The following SEL1L2 variants were observed in gnomAD, a reference collection of about 807,000 sequenced individuals.
SEL1L2 encodes the protein protein sel-1 homolog 2.
Under a neutral mutation model 98.8 loss-of-function variants are expected in SEL1L2, and 89 were observed. The ratio of observed to expected loss-of-function variants is 0.90; its 90% CI spans 0.76 to 1.07. The LOEUF (loss-of-function observed/expected upper bound fraction) is 1.07, where lower values mean the gene tolerates loss of function less well. Among genes scored for constraint, SEL1L2 ranks in the 50% least tolerant of loss-of-function variants. SEL1L2 has a pLI of 0.00. For synonymous variants in SEL1L2, 262 were observed against 278.5 expected (o/e 0.94, Z 0.59); for missense variants, 788 against 812.0 (o/e 0.97, Z 0.36).
chr20:13,892,027 T>C (rs545419628), intron 5 of SEL1L2, among the ~76,000 whole-genome samples: 2 of 152,308 alleles, frequency 1.3e-5, no homozygotes, highest in Non-Finnish European at 1.5e-5. Flanking sequence ...TAAAACTACA[T>C]TTAAAGTATA....
At chr20:13,876,222 G>C (rs1293896846) in intron 11 of SEL1L2, 107 bp from the exon 12 acceptor site, 3 of 783,894 alleles carry the variant, frequency 3.8e-6, no homozygotes, top group Non-Finnish European at 6.7e-6. Context: ...ATTGAATGTA[G>C]TAAATGCCAC....
chr20:13,917,734 G>A (rs954820691), intron 4 of SEL1L2, among the ~76,000 whole-genome samples: 1 of 146,558 alleles, frequency 6.8e-6, no homozygotes, highest in Non-Finnish European at 1.5e-5. Context: ...GAAAACAAGA[G>A]ATGTCTCCTT....
At chr20:13,951,233 C>T (rs1474457380) in intron 2 of SEL1L2, among the ~76,000 whole-genome samples, 6 of 130,782 alleles carry the variant, frequency 4.6e-5, no homozygotes, top group South Asian at 5.2e-4. Context: ...GCCGAGATAG[C>T]GCCACTGCAC....
intron 1 of SEL1L2, among the ~76,000 whole-genome samples, chr20:13,986,387 A>G (rs998360160): frequency 2.6e-5 from 4 of 152,188 alleles, no homozygotes; most frequent in Admixed American, 6.6e-5. Flanking sequence ...GTACCCATTA[A>G]GCAGTCACTC....
At chr20:13,927,782 C>T (rs112166462) in intron 3 of SEL1L2, among the ~76,000 whole-genome samples, 177 of 152,274 alleles carry the variant, frequency 1.2e-3, no homozygotes, top group African/African-American at 4.0e-3. Context: ...GTCTGATAAT[C>T]ATGTGTGACT....
At chr20:13,939,335 G>A (rs529824172) in intron 2 of SEL1L2, among the ~76,000 whole-genome samples, 5 of 152,050 alleles carry the variant, frequency 3.3e-5, no homozygotes, top group South Asian at 4.1e-4. Flanking sequence ...GAGCCACCAC[G>A]CCTGGCCAAA....
chr20:13,865,863 A>G (rs943204020), intron 15 of SEL1L2, among the ~76,000 whole-genome samples: 1 of 139,730 alleles, frequency 7.2e-6, no homozygotes, highest in Non-Finnish European at 1.6e-5. Context: ...GTGTGTTCTT[A>G]AAGGGACTTT....
chr20:13,908,094 T>A (rs1289281313), intron 5 of SEL1L2, among the ~76,000 whole-genome samples: 1 of 130,494 alleles, frequency 7.7e-6, no homozygotes, highest in Non-Finnish European at 1.6e-5. Context: ...GCTGATCAAT[T>A]TCTTGGTTCT....
chr20:13,874,595 C>T (rs2046352973), intron 12 of SEL1L2, among the ~76,000 whole-genome samples: 1 of 152,168 alleles, frequency 6.6e-6, no homozygotes. Context: ...TTCCATGTTA[C>T]TCCTTTTCAG....
intron 5 of SEL1L2, among the ~76,000 whole-genome samples, chr20:13,908,680 T>C (rs1269453888): frequency 1.3e-5 from 2 of 152,246 alleles, no homozygotes; most frequent in African/African-American, 4.8e-5. Context: ...ACCATTTTCA[T>C]GAAGACTATT....
intron 2 of SEL1L2, among the ~76,000 whole-genome samples, chr20:13,947,540 G>T (rs2050073607): frequency 6.6e-6 from 1 of 152,114 alleles, no homozygotes; most frequent in African/African-American, 2.4e-5. Flanking sequence ...CATTCTTCCT[G>T]GATGCAGGAC....
chr20:13,977,570 A>G (rs555829920), intron 1 of SEL1L2, among the ~76,000 whole-genome samples: 1 of 152,260 alleles, frequency 6.6e-6, no homozygotes, highest in Non-Finnish European at 1.5e-5. Flanking sequence ...AAAATGGGAG[A>G]GACTTATGAA....
At chr20:13,919,155 T>A in intron 3 of SEL1L2, 32 bp from the exon 4 acceptor site, 1 of 1,235,076 alleles carries the variant, frequency 8.1e-7, no homozygotes, top group Non-Finnish European at 1.2e-6. Flanking sequence ...ATAAAAACAA[T>A]ATTACTTCTA....
intron 2 of SEL1L2, among the ~76,000 whole-genome samples, chr20:13,933,754 T>C (rs2049264556): frequency 6.6e-6 from 1 of 152,288 alleles, no homozygotes; most frequent in South Asian, 2.1e-4. Context: ...AGAAAGAGCC[T>C]GGAAGACTAT....
chr20:13,981,167 G>A (rs745852039), intron 1 of SEL1L2, among the ~76,000 whole-genome samples: 23 of 152,226 alleles, frequency 1.5e-4, no homozygotes, highest in Non-Finnish European at 2.8e-4. Context: ...ACTTGAACTC[G>A]GGAGGTGGAG....
intron 2 of SEL1L2, among the ~76,000 whole-genome samples, chr20:13,945,485 CAT>C (rs150808080): frequency 0.011 from 1,704 of 148,202 alleles, 25 homozygotes; most frequent in African/African-American, 0.033. Flanking sequence ...TTAATATATA[CAT>C]ATATATATAT....
intron 8 of SEL1L2, among the ~76,000 whole-genome samples, chr20:13,886,882 T>C (rs545802555): frequency 1.1e-4 from 16 of 149,866 alleles, no homozygotes; most frequent in African/African-American, 3.7e-4. Context: ...AGGGATACTC[T>C]GTCTCAAAAA....
chr20:13,870,053 A>C (rs983845391), intron 13 of SEL1L2, 88 bp downstream of exon 13: 14 of 917,556 alleles, frequency 1.5e-5, no homozygotes, highest in Non-Finnish European at 2.1e-5. Context: ...CAGATAATAG[A>C]GATAAATTCC....
At chr20:13,922,122 T>G (rs1220413461) in intron 3 of SEL1L2, among the ~76,000 whole-genome samples, 1 of 152,218 alleles carries the variant, frequency 6.6e-6, no homozygotes, top group Non-Finnish European at 1.5e-5. Flanking sequence ...GAAAATGAAT[T>G]AAGTCCTTGT....
Sources: gnomAD v4.1 joint callset for allele counts (sites outside exome capture counted in the v4.1 genomes callset) on GRCh38, gnomAD v4.1.1 for gene constraint, MANE v1.5 for transcripts, NCBI Gene and HGNC (gene_info 2026-07-23, HGNC 2026-07-21) for gene names.